The following ELAVL4 variants were observed in gnomAD, a reference collection of about 807,000 sequenced individuals.
ELAVL4 encodes the protein ELAV-like protein 4.
ELAVL4 carries 1 observed loss-of-function variant against 35.6 expected under a neutral mutation model. The ratio of observed to expected loss-of-function variants is 0.03; its 90% CI spans 0.01 to 0.13. ELAVL4 has a LOEUF of 0.13. ELAVL4 is among the 10% of genes least tolerant of loss of function. The probability of loss-of-function intolerance (pLI) is 1.00; values close to 1 mark genes in which losing one functional copy is unlikely to be tolerated. For synonymous variants in ELAVL4, 156 were observed against 171.0 expected, an observed-to-expected ratio of 0.91 and a Z score of 0.69; for missense variants, 267 against 464.9, an observed-to-expected ratio of 0.57 and a Z score of 3.91.
chr1:50,074,042 C>T (rs1664649377), intron 1 of ELAVL4, among the ~76,000 whole-genome samples: 1 of 152,092 alleles, frequency 6.6e-6, no homozygotes, highest in Admixed American at 6.6e-5. Flanking sequence ...GCCAGCAGTC[C>T]AGAAAACATT....
At chr1:50,196,740 T>A (rs985991234) in intron 5 of ELAVL4, among the ~76,000 whole-genome samples, 7 of 152,220 alleles carry the variant, frequency 4.6e-5, no homozygotes, top group Admixed American at 4.6e-4. Context: ...TGAGAGCACA[T>A]GCAGTATTTA....
intron 4 of ELAVL4, among the ~76,000 whole-genome samples, chr1:50,194,967 TG>T (rs1166167213): frequency 2.6e-5 from 4 of 152,148 alleles, no homozygotes; most frequent in Non-Finnish European, 5.9e-5. Flanking sequence ...ATAGGGAATT[TG>T]GGGCCAGATT....
intron 1 of ELAVL4, among the ~76,000 whole-genome samples, chr1:50,092,982 A>G (rs1338711607): frequency 2.6e-5 from 4 of 152,234 alleles, no homozygotes; most frequent in Non-Finnish European, 4.4e-5. Context: ...TCTCACTCCA[A>G]TATAAATTCC....
intron 2 of ELAVL4, among the ~76,000 whole-genome samples, chr1:50,175,084 T>C (rs948670424): frequency 1.3e-5 from 2 of 152,194 alleles, no homozygotes; most frequent in African/African-American, 4.8e-5. Flanking sequence ...TTTAAAAATA[T>C]CCTTTAAAAG....
chr1:50,123,778 C>T (rs1669433144), intron 1 of ELAVL4, among the ~76,000 whole-genome samples: 2 of 152,036 alleles, frequency 1.3e-5, no homozygotes, highest in African/African-American at 4.8e-5. Context: ...CCTCGGTCTC[C>T]AACATCTTTC....
At chr1:50,114,020 A>G (rs985293788) in intron 1 of ELAVL4, among the ~76,000 whole-genome samples, 1 of 152,170 alleles carries the variant, frequency 6.6e-6, no homozygotes, top group Non-Finnish European at 1.5e-5. Context: ...GAGTTCTCAT[A>G]TTAGAAAAAT....
chr1:50,148,064 A>T (rs1674055804), intron 2 of ELAVL4, among the ~76,000 whole-genome samples: 1 of 152,214 alleles, frequency 6.6e-6, no homozygotes, highest in African/African-American at 2.4e-5. Context: ...ATCACCATTT[A>T]TCAAGCACTT....
chr1:50,051,183 T>C (rs1355735774), intron 1 of ELAVL4, among the ~76,000 whole-genome samples: 1 of 152,182 alleles, frequency 6.6e-6, no homozygotes, highest in African/African-American at 2.4e-5. Context: ...CAAAAACTTT[T>C]CTCAAAAGCA....
chr1:50,139,273 G>C (rs1364847027), intron 1 of ELAVL4, among the ~76,000 whole-genome samples: 1 of 152,180 alleles, frequency 6.6e-6, no homozygotes, highest in East Asian at 1.9e-4. Flanking sequence ...CTACATTCAG[G>C]AGATGCTGTA....
chr1:50,065,886 T>G (rs1367601439), intron 1 of ELAVL4, among the ~76,000 whole-genome samples: 1 of 152,166 alleles, frequency 6.6e-6, no homozygotes, highest in Non-Finnish European at 1.5e-5. Flanking sequence ...CTATCTTCCA[T>G]GTGATCTCTT....
chr1:50,084,218 A>G (rs1423638188), intron 1 of ELAVL4, among the ~76,000 whole-genome samples: 11 of 152,208 alleles, frequency 7.2e-5, no homozygotes, highest in Non-Finnish European at 1.6e-4. Context: ...AAGAGTAATT[A>G]TAGTAGTAAT....
intron 1 of ELAVL4, 108 bp from the exon 2 acceptor site, chr1:50,144,849 T>G: frequency 1.3e-6 from 2 of 1,528,240 alleles, no homozygotes; most frequent in South Asian, 1.2e-5. Flanking sequence ...TTGCTCCATC[T>G]TGCTTTATCT....
chr1:50,171,997 GT>G (rs1429121909), intron 2 of ELAVL4, among the ~76,000 whole-genome samples: 1 of 152,232 alleles, frequency 6.6e-6, no homozygotes, highest in African/African-American at 2.4e-5. Flanking sequence ...CAACTCAGAA[GT>G]TTTCAACAGC....
chr1:50,094,022 A>G (rs1665609074), intron 1 of ELAVL4, among the ~76,000 whole-genome samples: 1 of 152,236 alleles, frequency 6.6e-6, no homozygotes, highest in African/African-American at 2.4e-5. Context: ...AGCTAAGAGT[A>G]GTATCTGACA....
intron 1 of ELAVL4, among the ~76,000 whole-genome samples, chr1:50,070,586 C>CA (rs1460333648): frequency 2.0e-5 from 3 of 149,274 alleles, no homozygotes; most frequent in Admixed American, 6.7e-5. Flanking sequence ...ACTAAAAATA[C>CA]AAAAAATTAG....
In ELAVL4 at chr1:50,201,020, A is replaced by T; in HGVS notation, c.943A>T (p.Ile315Phe). 6.2e-7 allele frequency: 1 copy of T among 1,614,066 alleles called. No individual in the cohort carries two copies. Among genetic ancestry groups the T allele is most frequent in the Non-Finnish European group, 8.5e-7 (1 of 1,179,982 alleles). Residue 315 changes from isoleucine to phenylalanine, a missense_variant, in exon 7 of 7, where the codon ATT (isoleucine) becomes TTT (phenylalanine). By Grantham distance (21) the Ile-to-Phe change is conservative. Transcript: ENST00000371824. The surrounding 1 kb of genome is among the most constrained non-coding windows in gnomAD (Gnocchi z 4.3). The part of the protein sequence containing the change: ...PFGAVNNVKV[I>F]RDFNTNKCKG... The stretch of plus-strand genomic sequence containing the variant: ...TGGAGCAGTGAACAACGTAAAGGTG[A>T]TTCGTGACTTCAACACCAACAAGTG...
intron 3 of ELAVL4, among the ~76,000 whole-genome samples, chr1:50,190,353 C>A (rs1682482402): frequency 6.6e-6 from 1 of 152,194 alleles, no homozygotes; most frequent in South Asian, 2.1e-4. Context: ...CCACTGTAGT[C>A]ATTCAGTTAG....
chr1:50,063,738 C>A (rs72686793), intron 1 of ELAVL4, among the ~76,000 whole-genome samples: 1 of 152,114 alleles, frequency 6.6e-6, no homozygotes. Flanking sequence ...TTGTGACATG[C>A]GACCCTAGTA....
chr1:50,194,197 C>T (rs1282479319), intron 4 of ELAVL4, among the ~76,000 whole-genome samples: 2 of 152,328 alleles, frequency 1.3e-5, no homozygotes, highest in Middle Eastern at 3.4e-3. Context: ...GAGAGTGGAA[C>T]TGTATGACCT....
Sources: gnomAD v4.1 joint callset for allele counts (sites outside exome capture counted in the v4.1 genomes callset) on GRCh38, gnomAD v4.1.1 for gene constraint, Gnocchi (gnomAD v3.1) non-coding constraint, MANE v1.5 for transcripts, NCBI Gene and HGNC (gene_info 2026-07-23, HGNC 2026-07-21) for gene names.